PDE10A: variants seen among roughly 807,000 people sequenced by gnomAD.
The protein encoded by PDE10A is phosphodiesterase 10A, also known as cAMP and cAMP-inhibited cGMP 3',5'-cyclic phosphodiesterase 10A.
Under a neutral mutation model 97.7 loss-of-function variants are expected in PDE10A, and 39 were observed. The ratio of observed to expected loss-of-function variants is 0.40; its 90% CI spans 0.31 to 0.52. The LOEUF is 0.52. Ranked by LOEUF, PDE10A falls within the 20% of genes least tolerant of loss-of-function variation. PDE10A has a pLI of 0.56. For synonymous variants in PDE10A, 371 were observed against 376.8 expected (o/e 0.98, Z 0.18); for missense variants, 731 against 1,047.8 (o/e 0.70, Z 4.17).
chr6:165,899,123 C>T (rs74505095), intron 1 of PDE10A, among the ~76,000 whole-genome samples: 3,289 of 152,258 alleles, frequency 0.022, 71 homozygotes, highest in South Asian at 0.083. Flanking sequence ...TCTGGCATAA[C>T]AATGAGACCA....
intron 1 of PDE10A, among the ~76,000 whole-genome samples, chr6:165,978,069 G>A (rs1784901658): frequency 6.6e-6 from 1 of 152,172 alleles, no homozygotes; most frequent in African/African-American, 2.4e-5. Flanking sequence ...GTGAACAATG[G>A]TTACCTGTGG....
chr6:165,956,155 A>C (rs544616740), intron 1 of PDE10A, among the ~76,000 whole-genome samples: 7 of 152,232 alleles, frequency 4.6e-5, no homozygotes, highest in African/African-American at 1.7e-4. Flanking sequence ...GTGTCATAAT[A>C]GTAGCATCTT....
rs116466329 is a variant in PDE10A, at chr6:165,947,569, A to G, written c.-615+39960T>C. 6.0e-3 allele frequency among the ~76,000 whole-genome samples: 917 copies of G among 152,324 alleles called. 9 individuals carry two copies. Among genetic ancestry groups the G allele is most frequent in the African/African-American group, 0.02 (811 of 41,562 alleles). On this transcript the variant is annotated intron_variant, in intron 1 of 19. Coordinates refer to the PDE10A transcript ENST00000366882. ...AGTTCATATTGGAAAGAGAGGGTAAATAATGATTGCTTTTCAGTGTCAAAT... is the reference window on the plus strand; with the variant it reads ...AGTTCATATTGGAAAGAGAGGGTAAGTAATGATTGCTTTTCAGTGTCAAAT...
At chr6:165,831,252 G>A (rs77255747) in intron 1 of PDE10A, among the ~76,000 whole-genome samples, 1 of 150,294 alleles carries the variant, frequency 6.7e-6, no homozygotes, top group African/African-American at 2.4e-5. Flanking sequence ...GGCGCCTGCA[G>A]TCCCAGCTAC....
At chr6:165,778,396 T>C (rs1336387290) in intron 1 of PDE10A, among the ~76,000 whole-genome samples, 2 of 152,218 alleles carry the variant, frequency 1.3e-5, no homozygotes, top group African/African-American at 4.8e-5. Context: ...TTCAGTATTT[T>C]GTTTCTAAAA....
At chr6:165,469,130 T>C (rs1222777599) in intron 3 of PDE10A, among the ~76,000 whole-genome samples, 1 of 152,250 alleles carries the variant, frequency 6.6e-6, no homozygotes, top group Non-Finnish European at 1.5e-5. Context: ...TAATAAGATA[T>C]GCATCTTCTA....
At chr6:165,587,470 T>C (rs1165895643) in intron 1 of PDE10A, among the ~76,000 whole-genome samples, 1 of 152,184 alleles carries the variant, frequency 6.6e-6, no homozygotes, top group Non-Finnish European at 1.5e-5. Flanking sequence ...GCTGTAAAAT[T>C]TTAGCATGTA....
At chr6:165,882,794 C>T (rs1781520285) in intron 1 of PDE10A, among the ~76,000 whole-genome samples, 1 of 149,766 alleles carries the variant, frequency 6.7e-6, no homozygotes, top group Admixed American at 6.6e-5. Context: ...TCCTGGCAAA[C>T]TCTGATCGTG....
chr6:165,610,922 T>C (rs1787462625), intron 1 of PDE10A, among the ~76,000 whole-genome samples: 2 of 151,956 alleles, frequency 1.3e-5, no homozygotes, highest in South Asian at 2.1e-4. Flanking sequence ...TCACCTCAGC[T>C]CTCTTCTCTA....
chr6:165,649,012 G>T (rs1320284544), intron 1 of PDE10A, among the ~76,000 whole-genome samples: 1 of 152,168 alleles, frequency 6.6e-6, no homozygotes, highest in Non-Finnish European at 1.5e-5. Context: ...GTTTTCCCCA[G>T]AACAGTCTCC....
chr6:165,478,028 C>T (rs952824032), intron 3 of PDE10A, among the ~76,000 whole-genome samples: 2 of 152,166 alleles, frequency 1.3e-5, no homozygotes, highest in East Asian at 1.9e-4. Context: ...CTCCCACGGC[C>T]TTAAACATCA....
chr6:165,508,553 A>G (rs544998596), intron 2 of PDE10A, among the ~76,000 whole-genome samples: 1 of 152,082 alleles, frequency 6.6e-6, no homozygotes, highest in African/African-American at 2.4e-5. Context: ...TACCTTAGAG[A>G]GGAATGAATG....
chr6:165,788,399 C>G (rs1466397849), intron 1 of PDE10A, among the ~76,000 whole-genome samples: 1 of 151,370 alleles, frequency 6.6e-6, no homozygotes, highest in Non-Finnish European at 1.5e-5. Flanking sequence ...CACCTGTAAT[C>G]CCAGCTACTT....
intron 1 of PDE10A, among the ~76,000 whole-genome samples, chr6:165,970,306 C>A (rs546109617): frequency 2.4e-4 from 37 of 152,244 alleles, no homozygotes; most frequent in African/African-American, 8.9e-4. Context: ...ACTGACAAAA[C>A]CTGAATGAGA....
intron 1 of PDE10A, among the ~76,000 whole-genome samples, chr6:165,657,226 G>A (rs1790011373): frequency 6.6e-6 from 1 of 152,202 alleles, no homozygotes; most frequent in South Asian, 2.1e-4. Flanking sequence ...ATTTCAGCAA[G>A]TGGTGAGTGC....
At chr6:165,962,530 G>T (rs531723560) in intron 1 of PDE10A, among the ~76,000 whole-genome samples, 1 of 151,456 alleles carries the variant, frequency 6.6e-6, no homozygotes, top group East Asian at 2.0e-4. Context: ...CTTTCCATGG[G>T]GCCCTGGGAC....
chr6:165,645,461 C>G (rs764561050), intron 1 of PDE10A, among the ~76,000 whole-genome samples: 1 of 152,132 alleles, frequency 6.6e-6, no homozygotes, highest in Non-Finnish European at 1.5e-5. Flanking sequence ...TTCAGAGAAC[C>G]AGTGGAATCA....
chr6:165,394,220 C>T (rs1468005760), intron 15 of PDE10A, among the ~76,000 whole-genome samples: 1 of 152,124 alleles, frequency 6.6e-6, no homozygotes, highest in Non-Finnish European at 1.5e-5. Context: ...CTCCCTTAGC[C>T]TCCCATCCCC....
chr6:165,701,762 T>A (rs1014289666), intron 1 of PDE10A, among the ~76,000 whole-genome samples: 1 of 147,760 alleles, frequency 6.8e-6, no homozygotes. Context: ...TATGTTTGCA[T>A]GTGTGTATGT....
Sources: allele counts gnomAD v4.1 joint callset (sites outside exome capture counted in the v4.1 genomes callset), GRCh38; gene constraint gnomAD v4.1.1; transcripts MANE v1.5; gene names NCBI Gene and HGNC (gene_info 2026-07-23, HGNC 2026-07-21).